CMKLR1: variants seen among roughly 807,000 people sequenced by gnomAD.
CMKLR1 encodes the protein chemerin-like receptor 1.
Under a neutral mutation model 8.2 loss-of-function variants are expected in CMKLR1, and 6 were observed. The observed-to-expected ratio is 0.73, with a 90% CI of 0.40 to 1.44. The LOEUF is 1.44. CMKLR1 is among the 40% of genes most tolerant of loss of function. The probability of loss-of-function intolerance (pLI) is 0.02; values close to 1 mark genes in which losing one functional copy is unlikely to be tolerated. For missense variants in CMKLR1, 429 were observed against 478.0 expected (o/e 0.90, Z 0.96); for synonymous variants, 178 against 181.2 (o/e 0.98, Z 0.14).
At chr12:108,313,574 G>A (rs1009326983) in intron 2 of CMKLR1, among the ~76,000 whole-genome samples, 1 of 152,154 alleles carries the variant, frequency 6.6e-6, no homozygotes, top group East Asian at 1.9e-4. Context: ...GGGTGCATAG[G>A]GTGACCAGTT....
chr12:108,337,212 A>G (rs1892248058), intron 1 of CMKLR1, among the ~76,000 whole-genome samples: 1 of 152,140 alleles, frequency 6.6e-6, no homozygotes. Context: ...TCTGTTTCCT[A>G]ATCTGTAAAA....
chr12:108,294,752 C>A (rs764725155), intron 2 of CMKLR1, among the ~76,000 whole-genome samples: 2 of 152,144 alleles, frequency 1.3e-5, no homozygotes, highest in Non-Finnish European at 2.9e-5. Context: ...CTTTTTTCTG[C>A]GGCTCATGAT....
In CMKLR1 at chr12:108,291,892, T is replaced by C; in HGVS notation, c.1071A>G (p.Ser357=). ...TCATAGAAGTCCTCTCATTCATTGATGACATCTTGGTAAAGCTTCTATGGC... is the reference window on the plus strand; with the variant it reads ...TCATAGAAGTCCTCTCATTCATTGACGACATCTTGGTAAAGCTTCTATGGC... ...YPSHRSFTKM[S]SMNERTSMNE... Residue 357 remains serine (S), a synonymous_variant, in exon 4 of 4, where the codon TCA becomes TCG. Transcript: ENST00000550402. The C allele has an allele frequency of 6.2e-7, 1 of 1,614,168 alleles. No individual in the cohort carries two copies. The highest frequency in any genetic ancestry group is 8.5e-7 in the Non-Finnish European group (1 of 1,180,014).
chr12:108,335,798 C>T (rs1251387463), intron 1 of CMKLR1, among the ~76,000 whole-genome samples: 1 of 152,218 alleles, frequency 6.6e-6, no homozygotes, highest in African/African-American at 2.4e-5. Flanking sequence ...AGTCTTCCAC[C>T]TCTGTTTCAA....
chr12:108,315,655 G>A (rs1354699669), intron 2 of CMKLR1, among the ~76,000 whole-genome samples: 1 of 152,178 alleles, frequency 6.6e-6, no homozygotes, highest in African/African-American at 2.4e-5. Flanking sequence ...TGTTTCAGGA[G>A]GTAGCCATGT....
At chr12:108,295,259 A>C (rs969997577) in intron 2 of CMKLR1, among the ~76,000 whole-genome samples, 1 of 152,228 alleles carries the variant, frequency 6.6e-6, no homozygotes, top group Non-Finnish European at 1.5e-5. Context: ...GCTCAGAGAG[A>C]TCAGGACCCA....
At chr12:108,302,238 C>T (rs139027839) in intron 2 of CMKLR1, among the ~76,000 whole-genome samples, 13 of 152,318 alleles carry the variant, frequency 8.5e-5, no homozygotes, top group Middle Eastern at 3.4e-3. Flanking sequence ...GAAAGCTGGA[C>T]GCTTCCCAGG....
rs1213582497 is a variant in CMKLR1, at chr12:108,339,155, T to C, written c.-415A>G. The stretch of plus-strand genomic sequence containing the variant: ...AATCACAGGCTCCTCTGGCTGTGGC[T>C]GTTTGCCCAGAAAGCAGTTCATTCA... On this transcript the variant is annotated 5_prime_UTR_variant, in exon 1 of 4. Coordinates refer to ENST00000550402, the MANE Select transcript of CMKLR1 (RefSeq NM_001142343.2). 3 of 152,300 alleles carry C rather than the reference T, an allele frequency of 2.0e-5. No homozygotes were observed. Among genetic ancestry groups the C allele is most frequent in the African/African-American group, 7.2e-5 (3 of 41,444 alleles). 9.4% of individuals were successfully genotyped at this position (152,300 alleles called of 1,614,324 possible). A position where few individuals can be genotyped will look rare whatever the true frequency, so the allele number is the denominator to read the frequency against.
chr12:108,288,158 T>C lies in CMKLR1; in HGVS notation c.*3683A>G, dbSNP rs531897649. 6.6e-6 allele frequency: 1 copy of C among 152,204 alleles called. No individual in the cohort carries two copies. The highest frequency in any genetic ancestry group is 2.4e-5 in the African/African-American group (1 of 41,438). 9.4% of individuals were successfully genotyped at this position (152,204 alleles called of 1,614,324 possible). A position where few individuals can be genotyped will look rare whatever the true frequency, so the allele number is the denominator to read the frequency against. ...TAGTAGATTCCTCTCTGGTCCTAGA[T>C]ACCACCCCCAGCAGCAATTTTCCAA... On this transcript the variant is annotated 3_prime_UTR_variant, in exon 4 of 4. Transcript: ENST00000550402.
At chr12:108,310,161 G>A (rs776385062) in intron 2 of CMKLR1, among the ~76,000 whole-genome samples, 3 of 133,696 alleles carry the variant, frequency 2.2e-5, no homozygotes, top group Middle Eastern at 3.5e-3. Flanking sequence ...TGTGGTTAGG[G>A]GCTGTGTGTG....
intron 2 of CMKLR1, among the ~76,000 whole-genome samples, chr12:108,321,348 A>G (rs1401250131): frequency 6.6e-6 from 1 of 152,176 alleles, no homozygotes; most frequent in Non-Finnish European, 1.5e-5. Flanking sequence ...GGGCAGATCA[A>G]TTGAGCCCAG....
At chr12:108,334,719 G>A (rs544703454) in intron 1 of CMKLR1, among the ~76,000 whole-genome samples, 5 of 152,134 alleles carry the variant, frequency 3.3e-5, no homozygotes, top group African/African-American at 7.2e-5. Flanking sequence ...GATGTTTTTC[G>A]TTCAAATCCC....
intron 1 of CMKLR1, among the ~76,000 whole-genome samples, chr12:108,330,947 C>T (rs531562761): frequency 6.6e-6 from 1 of 152,284 alleles, no homozygotes; most frequent in African/African-American, 2.4e-5. Context: ...CTGGCACCTT[C>T]TCCCCTCCTA....
At chr12:108,299,340 T>C (rs1891209676) in intron 2 of CMKLR1, among the ~76,000 whole-genome samples, 1 of 152,234 alleles carries the variant, frequency 6.6e-6, no homozygotes, top group African/African-American at 2.4e-5. Flanking sequence ...TGGCAGTCTC[T>C]AAAAATCAAA....
At chr12:108,298,545 T>C (rs1363721362) in intron 2 of CMKLR1, among the ~76,000 whole-genome samples, 1 of 152,202 alleles carries the variant, frequency 6.6e-6, no homozygotes, top group Non-Finnish European at 1.5e-5. Context: ...AGCTCCACCC[T>C]ACAGGGACAC....
chr12:108,310,795 T>TC (rs1380274491), intron 2 of CMKLR1, among the ~76,000 whole-genome samples: 20 of 151,722 alleles, frequency 1.3e-4, no homozygotes, highest in African/African-American at 3.1e-4. Context: ...TAACACCGAG[T>TC]CCCCCATCCC....
At chr12:108,318,238 TAA>T (rs1171268575) in intron 2 of CMKLR1, among the ~76,000 whole-genome samples, 1 of 152,228 alleles carries the variant, frequency 6.6e-6, no homozygotes, top group Non-Finnish European at 1.5e-5. Context: ...CACATATTCT[TAA>T]TAGAGTCTGG....
intron 2 of CMKLR1, among the ~76,000 whole-genome samples, chr12:108,298,556 C>T (rs146204308): frequency 4.5e-4 from 69 of 152,344 alleles, no homozygotes; most frequent in Middle Eastern, 3.4e-3. Flanking sequence ...ACAGGGACAC[C>T]CTCCTTGTTG....
chr12:108,293,556 C>T, intron 3 of CMKLR1, 33 bp downstream of exon 3: 1 of 1,551,396 alleles, frequency 6.4e-7, no homozygotes, highest in Non-Finnish European at 8.7e-7. Context: ...GTCACTGGTG[C>T]CCTTTGGAGT....
Sources: allele counts gnomAD v4.1 joint callset (sites outside exome capture counted in the v4.1 genomes callset), GRCh38; gene constraint gnomAD v4.1.1; transcripts MANE v1.5; gene names NCBI Gene and HGNC (gene_info 2026-07-23, HGNC 2026-07-21).